MACC1: variants seen among roughly 807,000 people sequenced by gnomAD.
MACC1 encodes MET transcriptional regulator MACC1.
Under a neutral mutation model 70.7 loss-of-function variants are expected in MACC1, and 79 were observed. The ratio of observed to expected loss-of-function variants is 1.12; its 90% CI spans 0.93 to 1.35. MACC1 has a LOEUF of 1.35. MACC1 is among the 40% of genes most tolerant of loss of function. The probability of loss-of-function intolerance (pLI) is 0.00; values close to 1 mark genes in which losing one functional copy is unlikely to be tolerated. For missense variants in MACC1, 1,106 were observed against 978.1 expected, an observed-to-expected ratio of 1.13 and a Z score of -1.74; for synonymous variants, 361 against 347.2, an observed-to-expected ratio of 1.04 and a Z score of -0.44.
chr7:20,206,535 G>A (rs1299359274), intron 1 of MACC1, among the ~76,000 whole-genome samples: 2 of 152,026 alleles, frequency 1.3e-5, no homozygotes, highest in African/African-American at 2.4e-5. Context: ...AAACATTAAT[G>A]TTATTACATC....
intron 1 of MACC1, among the ~76,000 whole-genome samples, chr7:20,214,556 G>C (rs73685455): frequency 0.013 from 1,990 of 152,066 alleles, 44 homozygotes; most frequent in African/African-American, 0.046. Flanking sequence ...AATGAAAAAA[G>C]CTGATATCTA....
chr7:20,175,156 T>C lies in MACC1; in HGVS notation c.-217-4378A>G, dbSNP rs574794833. ...CTGAGATAAAATGAATATTAACTTA[T>C]ATTAGCTTCTGATTCCTTATGGCTT... is the stretch of plus-strand genomic sequence containing the variant. On this transcript the variant is annotated intron_variant, in intron 1 of 6. Coordinates refer to ENST00000400331, the MANE Select transcript of MACC1 (RefSeq NM_182762.4). Among the ~76,000 whole-genome samples, 316 of 152,220 alleles carry C rather than the reference T, an allele frequency of 2.1e-3. 8 individuals carry two copies. The highest frequency in any genetic ancestry group is 3.4e-4 in the Non-Finnish European group (23 of 67,926).
At chr7:20,184,610 G>A (rs538646113) in intron 1 of MACC1, among the ~76,000 whole-genome samples, 7 of 152,164 alleles carry the variant, frequency 4.6e-5, no homozygotes, top group Non-Finnish European at 8.8e-5. Context: ...GCTATTTCTT[G>A]GGTATCTGTT....
At chr7:20,172,240 A>AG (rs1360137036) in intron 1 of MACC1, among the ~76,000 whole-genome samples, 1 of 152,254 alleles carries the variant, frequency 6.6e-6, no homozygotes, top group Non-Finnish European at 1.5e-5. Flanking sequence ...GGTTACAAGC[A>AG]GGGTGAGCTG....
At chr7:20,212,374 C>T (rs73685453) in intron 1 of MACC1, among the ~76,000 whole-genome samples, 1,663 of 152,214 alleles carry the variant, frequency 0.011, 28 homozygotes, top group African/African-American at 0.038. Flanking sequence ...CTGTTTATTC[C>T]AAGGAAGGCC....
chr7:20,191,453 A>G (rs1782670963), intron 1 of MACC1, among the ~76,000 whole-genome samples: 1 of 148,002 alleles, frequency 6.8e-6, no homozygotes, highest in Non-Finnish European at 1.5e-5. Flanking sequence ...ACCTGGCCCT[A>G]CGTAGCTGGC....
At position 20,158,380 on chromosome 7, in the gene MACC1, C is replaced by G; in HGVS notation, c.1981G>C (p.Val661Leu). The G allele has an allele frequency of 6.2e-7, 1 of 1,613,666 alleles. No individual in the cohort carries two copies. The highest frequency in any genetic ancestry group is 8.5e-7 in the Non-Finnish European group (1 of 1,179,924). Reference sequence around the variant, plus strand: ...TCAGCTAAAACTTTCCAATCATAAACTTTTTCTGACACCAAGGTTAATACA... The same window carrying G: ...TCAGCTAAAACTTTCCAATCATAAAGTTTTTCTGACACCAAGGTTAATACA... ...SVVLTLVSEK[V>L]YDWKVLADVL... Residue 661 changes from valine to leucine, a missense_variant, in exon 5 of 7, where the codon GTT becomes CTT. Coordinates refer to ENST00000400331, the MANE Select transcript of MACC1 (RefSeq NM_182762.4).
At position 20,154,263 on chromosome 7, in the gene MACC1, C is replaced by T. The variant is rs113593699; in HGVS notation, c.2276G>A (p.Arg759Gln). The change falls in exon 6 of 7, where the codon CGA (arginine) becomes CAA (glutamine). Residue 759 changes from arginine (R) to glutamine (Q), a missense_variant. Arg to Gln is a conservative substitution (Grantham distance 43). Coordinates refer to ENST00000400331, the MANE Select transcript of MACC1 (RefSeq NM_182762.4). ...GWRELAEKLV[R>Q]LTKQQMEAYE... is the part of the protein sequence containing the mutation. ...TGCCTCCATTTGTTGCTTTGTGAGT[C>T]GTACTAACTTTTCAGCTAGTTCCCT... 1,867 of 1,613,942 alleles carry T rather than the reference C, an allele frequency of 1.2e-3. 26 individuals are homozygous for T. In the African/African-American group the frequency reaches 0.022, roughly 19 times the overall value.
intron 2 of MACC1, among the ~76,000 whole-genome samples, chr7:20,169,381 G>A (rs537157219): frequency 6.6e-6 from 1 of 152,284 alleles, no homozygotes; most frequent in South Asian, 2.1e-4. Flanking sequence ...TGCAAAAAAC[G>A]TGTTCTGGGT....
intron 6 of MACC1, chr7:20,147,333 TAAAGAATGC>T (rs1360295286): frequency 2.6e-5 from 4 of 152,212 alleles, no homozygotes; most frequent in Admixed American, 1.3e-4. Flanking sequence ...ATGAATAGCA[TAAAGAATGC>T]AATTGGTTTT....
chr7:20,165,313 G>A (rs1782196981), intron 2 of MACC1, among the ~76,000 whole-genome samples: 1 of 152,138 alleles, frequency 6.6e-6, no homozygotes, highest in South Asian at 2.1e-4. Flanking sequence ...AAATGATGCT[G>A]ATACTGTGGT....
At chr7:20,191,463 C>A (rs1477506776) in intron 1 of MACC1, among the ~76,000 whole-genome samples, 1 of 138,460 alleles carries the variant, frequency 7.2e-6, no homozygotes, top group African/African-American at 2.8e-5. Context: ...ACGTAGCTGG[C>A]GTTGGAACTG....
chr7:20,216,199 A>G (rs2128110113), intron 1 of MACC1, among the ~76,000 whole-genome samples: 1 of 152,294 alleles, frequency 6.6e-6, no homozygotes, highest in South Asian at 2.1e-4. Flanking sequence ...GTCAATATCA[A>G]TCCTAAATTA....
At chr7:20,157,541 T>C (rs1583386851) in intron 5 of MACC1, among the ~76,000 whole-genome samples, 1 of 151,262 alleles carries the variant, frequency 6.6e-6, no homozygotes, top group Admixed American at 6.6e-5. Context: ...TTCAGCACTT[T>C]GGGAGGCAAA....
At chr7:20,166,666 G>C (rs1258426761) in intron 2 of MACC1, among the ~76,000 whole-genome samples, 1 of 152,168 alleles carries the variant, frequency 6.6e-6, no homozygotes, top group Non-Finnish European at 1.5e-5. Context: ...CCAGGGAAGG[G>C]AGCAGGCCTC....
chr7:20,145,131 C>G (rs1472158456), intron 6 of MACC1, among the ~76,000 whole-genome samples: 1 of 152,108 alleles, frequency 6.6e-6, no homozygotes, highest in Non-Finnish European at 1.5e-5. Context: ...TTAACAAAAG[C>G]TATAAGTTTA....
Position 20,158,875 on chromosome 7 carries a change from G to T in MACC1, c.1486C>A (p.Pro496Thr). 5 of 1,614,066 alleles carry T rather than the reference G, an allele frequency of 3.1e-6. No individual in the cohort carries two copies. The highest frequency in any genetic ancestry group is 4.2e-6 in the Non-Finnish European group (5 of 1,180,002). Residue 496 changes from proline to threonine, a missense_variant, in exon 5 of 7, where the codon CCA becomes ACA. By Grantham distance (38) the Pro-to-Thr change is conservative. Coordinates refer to ENST00000400331, the MANE Select transcript of MACC1 (RefSeq NM_182762.4). ...CVQVEPPNGE[P>T]VAQFSITTPD... is the part of the protein sequence containing the mutation. ...GTAGTGATAGAGAACTGTGCAACTGGTTCACCATTGGGAGGCTCCACTTGA... is the reference window on the plus strand; with the variant it reads ...GTAGTGATAGAGAACTGTGCAACTGTTTCACCATTGGGAGGCTCCACTTGA...
At chr7:20,180,883 A>G (rs1487203506) in intron 1 of MACC1, among the ~76,000 whole-genome samples, 1 of 152,144 alleles carries the variant, frequency 6.6e-6, no homozygotes. Flanking sequence ...CCAAAGTATG[A>G]TTCATTAAGA....
chr7:20,176,979 C>G (rs1411658230), intron 1 of MACC1, among the ~76,000 whole-genome samples: 1 of 152,080 alleles, frequency 6.6e-6, no homozygotes, highest in African/African-American at 2.4e-5. Context: ...TAGTGATGAA[C>G]TGGTTTTGTA....
Sources: gnomAD v4.1 joint callset for allele counts (sites outside exome capture counted in the v4.1 genomes callset) on GRCh38, gnomAD v4.1.1 for gene constraint, MANE v1.5 for transcripts, NCBI Gene and HGNC (gene_info 2026-07-23, HGNC 2026-07-21) for gene names.